Variants in ARFGEF1 observed in about 807,000 individuals in gnomAD.
ARFGEF1 encodes brefeldin A-inhibited guanine nucleotide-exchange protein 1.
ARFGEF1 carries 42 observed loss-of-function variants against 231.0 expected under a neutral mutation model. That is an observed-to-expected ratio of 0.18 (90% CI 0.14 to 0.24). ARFGEF1 has a LOEUF of 0.24. ARFGEF1 is among the 10% of genes least tolerant of loss of function. ARFGEF1 has a pLI of 1.00. For missense variants in ARFGEF1, 1,345 were observed against 2,192.0 expected, an observed-to-expected ratio of 0.61 and a Z score of 7.72; for synonymous variants, 710 against 732.3, an observed-to-expected ratio of 0.97 and a Z score of 0.49.
chr8:67,224,821 T>C, intron 29 of ARFGEF1, 82 bp downstream of exon 29: 1 of 961,640 alleles, frequency 1.0e-6, no homozygotes, highest in South Asian at 3.0e-5. Flanking sequence ...TCTTTAACTG[T>C]GAGATTGTGT....
At chr8:67,254,146 T>C (rs1840382242) in intron 17 of ARFGEF1, among the ~76,000 whole-genome samples, 1 of 152,212 alleles carries the variant, frequency 6.6e-6, no homozygotes, top group Non-Finnish European at 1.5e-5. Flanking sequence ...CTGTACAAAG[T>C]ATCCTTGGAA....
intron 38 of ARFGEF1, 92 bp from the exon 39 acceptor site, chr8:67,199,190 A>G (rs1230529808): frequency 1.1e-5 from 16 of 1,453,884 alleles, no homozygotes; most frequent in Non-Finnish European, 1.5e-5. Flanking sequence ...GCTCCATCAC[A>G]GGAGCCAGGA....
At chr8:67,309,078 A>C (rs917733182) in intron 1 of ARFGEF1, among the ~76,000 whole-genome samples, 3 of 152,242 alleles carry the variant, frequency 2.0e-5, no homozygotes, top group African/African-American at 7.2e-5. Flanking sequence ...CTTAAAAAGA[A>C]GGAAATCCTG....
At chr8:67,259,036 G>A (rs77502869) in intron 15 of ARFGEF1, among the ~76,000 whole-genome samples, 5,528 of 152,104 alleles carry the variant, frequency 0.036, 146 homozygotes, top group Non-Finnish European at 0.052. Context: ...ATGTAAATAG[G>A]TTTTCTGTAT....
Position 67,197,744 on chromosome 8 carries a change from G to A in ARFGEF1, c.*1190C>T, listed in dbSNP as rs1038664744. The A allele has an allele frequency of 2.0e-6, 2 of 985,726 alleles. No homozygotes were observed. Among genetic ancestry groups the A allele is most frequent in the Non-Finnish European group, 2.4e-6 (2 of 829,858 alleles). The allele number at this position is 985,726 out of a possible 1,614,324, so 61.1% of individuals were successfully genotyped here. A position where few individuals can be genotyped will look rare whatever the true frequency, so the allele number is the denominator to read the frequency against. On this transcript the variant is annotated 3_prime_UTR_variant, in exon 39 of 39. Transcript: ENST00000262215. ...GCCAGATGGGAATCAATATTGTACA[G>A]AAAGTTGTACAGAATTTTTTACATA...
chr8:67,289,468 C>T (rs1354782985), intron 6 of ARFGEF1, among the ~76,000 whole-genome samples: 2 of 142,542 alleles, frequency 1.4e-5, no homozygotes, highest in South Asian at 4.6e-4. Flanking sequence ...ATGGAAGGAT[C>T]GCTTGCGCCT....
At chr8:67,206,577 G>A (rs1563835763) in intron 34 of ARFGEF1, among the ~76,000 whole-genome samples, 1 of 152,084 alleles carries the variant, frequency 6.6e-6, no homozygotes. Context: ...ATAGTCCGCC[G>A]GCCCATGTGG....
intron 20 of ARFGEF1, among the ~76,000 whole-genome samples, chr8:67,239,399 A>G (rs1012787418): frequency 6.6e-6 from 1 of 152,190 alleles, no homozygotes; most frequent in Non-Finnish European, 1.5e-5. Context: ...GTCATGAATT[A>G]CATATAATTC....
intron 6 of ARFGEF1, 51 bp downstream of exon 6, chr8:67,291,796 C>T: frequency 6.4e-7 from 1 of 1,573,406 alleles, no homozygotes. Context: ...ACTCTCATTC[C>T]TACACATTTC....
chr8:67,188,043 T>G (rs1179737899), intron 5 of ARFGEF1, among the ~76,000 whole-genome samples: 1 of 152,102 alleles, frequency 6.6e-6, no homozygotes, highest in Non-Finnish European at 1.5e-5. Flanking sequence ...TTTGTAAAAA[T>G]TTAAAACCTG....
At chr8:67,232,781 C>T in intron 23 of ARFGEF1, 74 bp downstream of exon 23, 1 of 1,156,844 alleles carries the variant, frequency 8.6e-7, no homozygotes, top group Non-Finnish European at 1.2e-6. Context: ...TAATATTTTT[C>T]TTTTTACCAA....
At chr8:67,203,472 G>A (rs1838404784) in intron 35 of ARFGEF1, among the ~76,000 whole-genome samples, 1 of 152,096 alleles carries the variant, frequency 6.6e-6, no homozygotes, top group Non-Finnish European at 1.5e-5. Flanking sequence ...CCAACTCCCT[G>A]GCCCTGCGTT....
chr8:67,197,973 G>C lies in ARFGEF1; in HGVS notation c.*961C>G, dbSNP rs758519662. 21 of 985,776 alleles carry C rather than the reference G, an allele frequency of 2.1e-5. No individual in the cohort carries two copies. The highest frequency in any genetic ancestry group is 2.5e-5 in the Non-Finnish European group (21 of 829,908). 61.1% of individuals were successfully genotyped at this position (985,776 alleles called of 1,614,324 possible). On this transcript the variant is annotated 3_prime_UTR_variant, in exon 39 of 39. Coordinates refer to ENST00000262215, the MANE Select transcript of ARFGEF1 (RefSeq NM_006421.5). The stretch of plus-strand genomic sequence containing the variant: ...TATTCAACGTTAAATTCTGTACATA[G>C]AGTAAAATCTACATCAAGCCCCACC...
At chr8:67,241,669 G>A (rs1839932417) in intron 19 of ARFGEF1, among the ~76,000 whole-genome samples, 2 of 152,070 alleles carry the variant, frequency 1.3e-5, no homozygotes, top group Non-Finnish European at 2.9e-5. Context: ...CAAAAAGAGA[G>A]CTCCACCAAT....
chr8:67,311,237 T>TGGG (rs1182397603), intron 1 of ARFGEF1, among the ~76,000 whole-genome samples: 1 of 110,818 alleles, frequency 9.0e-6, no homozygotes, highest in Non-Finnish European at 1.9e-5. Context: ...GGGAGGGAGG[T>TGGG]GGGGAGGTCA....
At chr8:67,310,954 C>G (rs1806991348) in intron 1 of ARFGEF1, among the ~76,000 whole-genome samples, 1 of 18,368 alleles carries the variant, frequency 5.4e-5, no homozygotes, top group Admixed American at 5.3e-4. Flanking sequence ...CCACCCCGTC[C>G]AGGAGGGAGG....
downstream of ARFGEF1, chr8:67,174,057 G>T (rs1831037913): frequency 6.6e-6 from 1 of 152,060 alleles, no homozygotes; most frequent in Non-Finnish European, 1.5e-5. Context: ...GCTCTTTGGG[G>T]TCCTCAATTT....
At position 67,248,079 on chromosome 8, in the gene ARFGEF1, T is replaced by C. The variant is rs541475456; in HGVS notation, c.2850+3220A>G. Reference sequence around the variant, plus strand: ...AGAATCAATATTGCTAAAATGTCCATATTACCCAAAGCAATCTATAGAATA... The same window carrying C: ...AGAATCAATATTGCTAAAATGTCCACATTACCCAAAGCAATCTATAGAATA... On this transcript the variant is annotated intron_variant, in intron 19 of 38. Transcript: ENST00000262215. Among the ~76,000 whole-genome samples, 162 of 149,962 alleles carry C rather than the reference T, an allele frequency of 1.1e-3. 11 individuals are homozygous for C. The highest frequency in any genetic ancestry group is 3.9e-3 in the African/African-American group (158 of 40,150).
At position 67,308,769 on chromosome 8, in the gene ARFGEF1, A is replaced by G. The variant is rs546439646; in HGVS notation, c.125-6303T>C. 3.0e-4 allele frequency among the ~76,000 whole-genome samples: 45 copies of G among 152,096 alleles called. 1 individual carries two copies. The highest frequency in any genetic ancestry group is 1.1e-3 in the African/African-American group (44 of 41,518). On this transcript the variant is annotated intron_variant, in intron 1 of 38. Transcript: ENST00000262215. ...TGCAAGGAAATTTTTTTATTTTTTA[A>G]TTTTATTATTTTAATGGACACATAT...
Sources: gnomAD v4.1 joint callset for allele counts (sites outside exome capture counted in the v4.1 genomes callset) on GRCh38, gnomAD v4.1.1 for gene constraint, MANE v1.5 for transcripts, NCBI Gene and HGNC (gene_info 2026-07-23, HGNC 2026-07-21) for gene names.